Variants in CNTN4 observed in about 807,000 individuals in gnomAD.
The protein encoded by CNTN4 is contactin 4.
A neutral mutation model predicts 122.5 loss-of-function variants in CNTN4; 77 were observed. That is an observed-to-expected ratio of 0.63 (90% CI 0.52 to 0.76). The LOEUF (loss-of-function observed/expected upper bound fraction) is 0.76. Among genes scored for constraint, CNTN4 ranks in the 30% least tolerant of loss-of-function variants. The probability of loss-of-function intolerance (pLI) is 0.00; values close to 1 mark genes in which losing one functional copy is unlikely to be tolerated. For missense variants in CNTN4, 1,256 were observed against 1,259.1 expected, an observed-to-expected ratio of 1.00 and a Z score of 0.04; for synonymous variants, 512 against 447.0, an observed-to-expected ratio of 1.15 and a Z score of -1.83.
At chr3:2,359,622 C>G (rs2045033550) in intron 3 of CNTN4, among the ~76,000 whole-genome samples, 1 of 152,120 alleles carries the variant, frequency 6.6e-6, no homozygotes, top group Non-Finnish European at 1.5e-5. Context: ...TCACTGCAAG[C>G]CCCGCCTCCC....
At chr3:2,526,306 G>A (rs1305575002) in intron 3 of CNTN4, among the ~76,000 whole-genome samples, 1 of 152,064 alleles carries the variant, frequency 6.6e-6, no homozygotes, top group African/African-American at 2.4e-5. Context: ...AAAAGAAGCT[G>A]GTATTTCTGC....
intron 4 of CNTN4, chr3:2,629,376 G>A (rs1389093440): frequency 1.6e-5 from 4 of 256,692 alleles, no homozygotes; most frequent in South Asian, 7.6e-5. Flanking sequence ...ATTGTGTCAC[G>A]GCAGCCTGAG....
At chr3:2,914,289 A>C (rs1172206961) in intron 12 of CNTN4, among the ~76,000 whole-genome samples, 1 of 152,204 alleles carries the variant, frequency 6.6e-6, no homozygotes, top group African/African-American at 2.4e-5. Flanking sequence ...TAGAAGTAAT[A>C]GAATAATATA....
At chr3:2,545,617 C>CTT (rs545099083) in intron 3 of CNTN4, among the ~76,000 whole-genome samples, 1 of 140,174 alleles carries the variant, frequency 7.1e-6, no homozygotes, top group African/African-American at 2.6e-5. Flanking sequence ...TATGTAATGC[C>CTT]TTTTTTTTTT....
chr3:2,537,653 C>G (rs1018018518), intron 3 of CNTN4, among the ~76,000 whole-genome samples: 17 of 152,068 alleles, frequency 1.1e-4, no homozygotes, highest in Non-Finnish European at 2.2e-4. Flanking sequence ...TTCATCCTTA[C>G]CACTAGCTAC....
Position 2,409,090 on chromosome 3 carries a change from C to T in CNTN4, c.-89+69857C>T, listed in dbSNP as rs2047136253. Among the ~76,000 whole-genome samples, 4 of 151,742 alleles carry T rather than the reference C, an allele frequency of 2.6e-5. No individual in the cohort carries two copies. The South Asian group carries it at 8.3e-4, about 32-fold the overall frequency. ...ATGAACAATAGCTGTGTCTCTACAC[C>T]CAGAATTAAAGAGGAACAAAATTAT... On this transcript the variant is annotated intron_variant, in intron 3 of 24. Coordinates refer to ENST00000418658, the MANE Select transcript of CNTN4 (RefSeq NM_175607.3).
intron 6 of CNTN4, among the ~76,000 whole-genome samples, chr3:2,777,367 C>A (rs1388918338): frequency 6.6e-6 from 1 of 152,218 alleles, no homozygotes; most frequent in Non-Finnish European, 1.5e-5. Context: ...TACCCATCTA[C>A]GGCTCTCCAA....
rs1002710253 is a variant in CNTN4, at chr3:2,462,328, C to G, written c.-88-109088C>G. On this transcript the variant is annotated intron_variant, in intron 3 of 24. Transcript: ENST00000418658. ...ATAAGGATAAAGACTAGCATTGTGCCCAGCAAGAGCCAATGGGGGCTCATT... is the reference window on the plus strand; with the variant it reads ...ATAAGGATAAAGACTAGCATTGTGCGCAGCAAGAGCCAATGGGGGCTCATT... Among the ~76,000 whole-genome samples the G allele has an allele frequency of 2.0e-5, 3 of 152,096 alleles. No individual in the cohort carries two copies. In the East Asian group the frequency reaches 5.8e-4, roughly 29 times the overall value.
chr3:3,000,336 T>C (rs935093878), intron 14 of CNTN4, among the ~76,000 whole-genome samples: 1 of 145,764 alleles, frequency 6.9e-6, no homozygotes, highest in East Asian at 2.0e-4. Flanking sequence ...ACTGGGATGA[T>C]AGGAACAGCT....
At chr3:2,700,628 A>G (rs919693239) in intron 4 of CNTN4, among the ~76,000 whole-genome samples, 1 of 142,356 alleles carries the variant, frequency 7.0e-6, no homozygotes, top group Non-Finnish European at 1.5e-5. Context: ...ATTCACTGAG[A>G]TAGAGTTAAA....
At chr3:2,681,471 A>G (rs2085161775) in intron 4 of CNTN4, among the ~76,000 whole-genome samples, 1 of 152,194 alleles carries the variant, frequency 6.6e-6, no homozygotes. Flanking sequence ...GAGGGTTAAG[A>G]GACCCCAGAA....
At chr3:2,775,207 T>G (rs1428995549) in intron 6 of CNTN4, among the ~76,000 whole-genome samples, 3 of 152,224 alleles carry the variant, frequency 2.0e-5, no homozygotes, top group African/African-American at 7.2e-5. Context: ...TGCATTGGCT[T>G]ATTTCAGAAT....
intron 2 of CNTN4, among the ~76,000 whole-genome samples, chr3:2,235,266 G>A (rs1559366242): frequency 6.6e-6 from 1 of 152,050 alleles, no homozygotes; most frequent in Non-Finnish European, 1.5e-5. Flanking sequence ...ATGCATACTA[G>A]GATTATGCAT....
intron 4 of CNTN4, among the ~76,000 whole-genome samples, chr3:2,626,364 G>A (rs985303292): frequency 1.3e-5 from 2 of 152,068 alleles, no homozygotes; most frequent in Non-Finnish European, 2.9e-5. Context: ...AGGCGTGGTG[G>A]TGGGCACCTG....
At chr3:2,998,048 G>C (rs914141689) in intron 14 of CNTN4, among the ~76,000 whole-genome samples, 1 of 152,104 alleles carries the variant, frequency 6.6e-6, no homozygotes, top group African/African-American at 2.4e-5. Flanking sequence ...GGTCAAATCA[G>C]AACTGCCTTC....
chr3:2,113,690 A>G (rs2033132530), intron 2 of CNTN4, among the ~76,000 whole-genome samples: 1 of 152,208 alleles, frequency 6.6e-6, no homozygotes, highest in Admixed American at 6.5e-5. Context: ...TATATAGTTT[A>G]AGGCGCAGAT....
chr3:2,570,062 A>T (rs1257546016), intron 3 of CNTN4, among the ~76,000 whole-genome samples: 2 of 151,852 alleles, frequency 1.3e-5, no homozygotes, highest in Admixed American at 6.6e-5. Flanking sequence ...TGGGTGGGAG[A>T]AGGGATGAGT....
At chr3:2,155,794 G>A (rs1376721382) in intron 2 of CNTN4, among the ~76,000 whole-genome samples, 1 of 152,102 alleles carries the variant, frequency 6.6e-6, no homozygotes, top group African/African-American at 2.4e-5. Flanking sequence ...ACTGTGGTGC[G>A]TTTTACGTGA....
intron 3 of CNTN4, among the ~76,000 whole-genome samples, chr3:2,437,793 A>G (rs892549061): frequency 2.6e-5 from 4 of 152,174 alleles, no homozygotes; most frequent in African/African-American, 9.7e-5. Context: ...AAGATTCATG[A>G]CATTTATATT....
Sources: gnomAD v4.1 joint callset for allele counts (sites outside exome capture counted in the v4.1 genomes callset) on GRCh38, gnomAD v4.1.1 for gene constraint, MANE v1.5 for transcripts, NCBI Gene and HGNC (gene_info 2026-07-23, HGNC 2026-07-21) for gene names.